ADAMTS12: variants seen among roughly 807,000 people sequenced by gnomAD.
ADAMTS12 encodes the protein ADAM metallopeptidase with thrombospondin type 1 motif 12.
Under a neutral mutation model 167.8 loss-of-function variants are expected in ADAMTS12, and 118 were observed. The observed-to-expected ratio is 0.70, with a 90% CI of 0.61 to 0.82. The LOEUF is 0.82. ADAMTS12 is among the 40% of genes least tolerant of loss of function. ADAMTS12 has a pLI of 0.00. For missense variants in ADAMTS12, 1,916 were observed against 1,998.8 expected, an observed-to-expected ratio of 0.96 and a Z score of 0.79; for synonymous variants, 704 against 716.9, an observed-to-expected ratio of 0.98 and a Z score of 0.29.
chr5:33,699,537 G>GA (rs1742919895), intron 3 of ADAMTS12, among the ~76,000 whole-genome samples: 2 of 152,080 alleles, frequency 1.3e-5, no homozygotes, highest in South Asian at 2.1e-4. Context: ...GTCTATAAAA[G>GA]AAAAAAATAA....
chr5:33,616,089 C>G lies in ADAMTS12; in HGVS notation c.2144-17G>C. The G allele has an allele frequency of 6.2e-7, 1 of 1,612,184 alleles. No homozygotes were observed. Among genetic ancestry groups the G allele is most frequent in the Non-Finnish European group, 8.5e-7 (1 of 1,179,112 alleles). On this transcript the variant is annotated splice_polypyrimidine_tract_variant and intron_variant, in intron 14 of 23. Transcript: ENST00000504830. ...CAACATAACCTAAAGAGAGAAGACACAATCATGAAAGAGGCACGCCAGCTT... is the reference window on the plus strand; with the variant it reads ...CAACATAACCTAAAGAGAGAAGACAGAATCATGAAAGAGGCACGCCAGCTT...
In ADAMTS12 at chr5:33,643,474, GA is replaced by G. The variant is rs1448853666; in HGVS notation, c.1480-5del. ...ACCACAGTGTCTGGCAGACGTTCTA[GA>G]AAACAAATTGCACTTCTTTTGTATT... On this transcript the variant is annotated splice_region_variant and splice_polypyrimidine_tract_variant and intron_variant, in intron 9 of 23. Coordinates refer to ENST00000504830, the MANE Select transcript of ADAMTS12 (RefSeq NM_030955.4). The G allele has an allele frequency of 6.2e-7, 1 of 1,613,850 alleles. No homozygotes were observed. Among genetic ancestry groups the G allele is most frequent in the Non-Finnish European group, 8.5e-7 (1 of 1,179,790 alleles).
In ADAMTS12 at chr5:33,822,839, G is replaced by A. The variant is rs1200162480; in HGVS notation, c.489+58280C>T. Among the ~76,000 whole-genome samples the A allele has an allele frequency of 2.0e-5, 3 of 152,274 alleles. No individual in the cohort carries two copies. The East Asian group carries it at 5.8e-4, about 29-fold the overall frequency. ...ATGGTGGCTCACGCCTGTAATCCCA[G>A]CACTTTGGGGGGCCAAGGTGGGAGG... On this transcript the variant is annotated intron_variant, in intron 2 of 23. Transcript: ENST00000504830.
At chr5:33,837,983 T>A (rs1748599320) in intron 2 of ADAMTS12, among the ~76,000 whole-genome samples, 1 of 152,104 alleles carries the variant, frequency 6.6e-6, no homozygotes, top group African/African-American at 2.4e-5. Flanking sequence ...TAAATCTGTA[T>A]TTGTGGTTCC....
chr5:33,660,304 A>C (rs1274860399), intron 6 of ADAMTS12, among the ~76,000 whole-genome samples: 3 of 152,200 alleles, frequency 2.0e-5, no homozygotes, highest in African/African-American at 7.2e-5. Flanking sequence ...TTAAGTCCCA[A>C]TTGTACCCGT....
intron 5 of ADAMTS12, among the ~76,000 whole-genome samples, chr5:33,664,606 G>A (rs570136135): frequency 1.8e-4 from 28 of 152,132 alleles, no homozygotes; most frequent in African/African-American, 6.0e-4. Context: ...ATATGATATC[G>A]TCTCATACCT....
chr5:33,614,178 C>T (rs1278745211), intron 16 of ADAMTS12, 60 bp downstream of exon 16: 2 of 1,579,918 alleles, frequency 1.3e-6, no homozygotes, highest in Admixed American at 1.7e-5. Context: ...CTGGTGTAAT[C>T]ACCTCTACAA....
intron 20 of ADAMTS12, among the ~76,000 whole-genome samples, chr5:33,555,209 T>TA: frequency 6.6e-6 from 1 of 152,276 alleles, no homozygotes. Context: ...TATTATCTCT[T>TA]ACTACATTTC....
intron 14 of ADAMTS12, among the ~76,000 whole-genome samples, chr5:33,619,618 C>T (rs1739205955): frequency 1.3e-5 from 2 of 152,122 alleles, no homozygotes; most frequent in African/African-American, 2.4e-5. Flanking sequence ...AGGTCCCTCT[C>T]CTTCCTTTTG....
chr5:33,823,500 C>T (rs1371669250), intron 2 of ADAMTS12, among the ~76,000 whole-genome samples: 1 of 152,154 alleles, frequency 6.6e-6, no homozygotes, highest in Non-Finnish European at 1.5e-5. Flanking sequence ...TCAATGGTGA[C>T]TACCACATGT....
At chr5:33,626,108 GA>G (rs1284586031) in intron 13 of ADAMTS12, among the ~76,000 whole-genome samples, 1 of 151,906 alleles carries the variant, frequency 6.6e-6, no homozygotes, top group South Asian at 2.1e-4. Context: ...GTGTGTTTGT[GA>G]AAAAAAATCA....
At chr5:33,549,068 G>T in intron 21 of ADAMTS12, 139 bp downstream of exon 21, 2 of 1,066,402 alleles carry the variant, frequency 1.9e-6, no homozygotes, top group Non-Finnish European at 2.7e-6. Flanking sequence ...TCACATACAG[G>T]GTGGGGTCAC....
intron 22 of ADAMTS12, 51 bp downstream of exon 22, chr5:33,546,006 ATT>A: frequency 2.0e-6 from 3 of 1,468,446 alleles, no homozygotes; most frequent in Non-Finnish European, 1.8e-6. Context: ...AACTTAAAGT[ATT>A]AAAAAAAAAA....
chr5:33,631,540 C>T (rs1739933219), intron 12 of ADAMTS12, among the ~76,000 whole-genome samples: 1 of 152,160 alleles, frequency 6.6e-6, no homozygotes, highest in Non-Finnish European at 1.5e-5. Flanking sequence ...CTTGGTCCTA[C>T]ACTGAATCCA....
intron 7 of ADAMTS12, among the ~76,000 whole-genome samples, chr5:33,657,129 C>T (rs1454995525): frequency 6.6e-6 from 1 of 152,174 alleles, no homozygotes; most frequent in Non-Finnish European, 1.5e-5. Flanking sequence ...AATTCTGTTT[C>T]TCCAATTCTC....
rs560191945 is a variant in ADAMTS12, at chr5:33,861,805, G to A, written c.489+19314C>T. Among the ~76,000 whole-genome samples the A allele has an allele frequency of 1.6e-4, 25 of 152,188 alleles. No individual in the cohort carries two copies. In the South Asian group the frequency reaches 4.8e-3, roughly 29 times the overall value. On this transcript the variant is annotated intron_variant, in intron 2 of 23. Coordinates refer to ENST00000504830, the MANE Select transcript of ADAMTS12 (RefSeq NM_030955.4). ...AAAACACTCCTCAGCAAATGCAAAC[G>A]AACAGAAATCATAACAAACAGACTC...
intron 5 of ADAMTS12, among the ~76,000 whole-genome samples, chr5:33,666,516 CA>C (rs1561203278): frequency 6.6e-6 from 1 of 151,688 alleles, no homozygotes; most frequent in Non-Finnish European, 1.5e-5. Context: ...TCTATTGAGA[CA>C]GAGTCTCACT....
chr5:33,708,104 AAAAC>A (rs1184488421), intron 3 of ADAMTS12, among the ~76,000 whole-genome samples: 11 of 152,230 alleles, frequency 7.2e-5, no homozygotes, highest in South Asian at 2.1e-4. Flanking sequence ...TTACAAGAAA[AAAAC>A]AAACAACCCC....
At chr5:33,624,139 G>T (rs1739465070) in intron 14 of ADAMTS12, 92 bp downstream of exon 14, 4 of 1,556,690 alleles carry the variant, frequency 2.6e-6, no homozygotes, top group Admixed American at 3.6e-5. Flanking sequence ...ACTGTTTAAA[G>T]AAATAAAAAC....
Sources: gnomAD v4.1 joint callset for allele counts (sites outside exome capture counted in the v4.1 genomes callset) on GRCh38, gnomAD v4.1.1 for gene constraint, MANE v1.5 for transcripts, NCBI Gene and HGNC (gene_info 2026-07-23, HGNC 2026-07-21) for gene names.